The following PCDH18 variants were observed in gnomAD, a reference collection of about 807,000 sequenced individuals.
PCDH18 encodes the protein protocadherin-18.
PCDH18 carries 38 observed loss-of-function variants against 71.5 expected under a neutral mutation model. The observed-to-expected ratio is 0.53, with a 90% confidence interval of 0.41 to 0.70. PCDH18 has a LOEUF of 0.70. Among genes scored for constraint, PCDH18 ranks in the 30% least tolerant of loss-of-function variants. The probability of loss-of-function intolerance (pLI) is 0.00; values close to 1 mark genes in which losing one functional copy is unlikely to be tolerated. For synonymous variants in PCDH18, 565 were observed against 505.4 expected (o/e 1.12, Z -1.58); for missense variants, 1,334 against 1,384.6 (o/e 0.96, Z 0.58).
chr4:137,527,496 T>C (rs1731506618), intron 3 of PCDH18, among the ~76,000 whole-genome samples: 1 of 152,204 alleles, frequency 6.6e-6, no homozygotes, highest in African/African-American at 2.4e-5. Flanking sequence ...GAATGTCAGC[T>C]ATATTGATTT....
In PCDH18 at chr4:137,531,775, G is replaced by A; in HGVS notation, c.314C>T (p.Ser105Phe). ...EQLCQKNLNCSIEFDVITLPT... is the reference protein window; with the variant it reads ...EQLCQKNLNCFIEFDVITLPT... ...TAGAGTGATCACATCAAACTCTATG[G>A]AACAGTTCAAGTTTTTCTGGCACAG... The change falls in exon 1 of 4, where the codon TCC becomes TTC. Residue 105 changes from serine to phenylalanine, a missense_variant. This residue lies in a region of PCDH18 where 1,011 missense variants were observed against 1,048.0 expected (regional missense o/e 0.96). Transcript: ENST00000344876. 6.2e-7 allele frequency: 1 copy of A among 1,614,100 alleles called. No individual in the cohort carries two copies. Among genetic ancestry groups the A allele is most frequent in the Non-Finnish European group, 8.5e-7 (1 of 1,179,980 alleles).
Position 137,520,857 on chromosome 4 carries a change from T to A in PCDH18, c.*172A>T, listed in dbSNP as rs1297454570. ...ATTTTTAAAATACAGATTAAAATAA[T>A]CACACTTGCATTGTGTACATACGAA... is the stretch of plus-strand genomic sequence containing the variant. On this transcript the variant is annotated 3_prime_UTR_variant, in exon 4 of 4. Transcript: ENST00000344876. The A allele has an allele frequency of 2.0e-6, 1 of 491,362 alleles. No homozygotes were observed. Among genetic ancestry groups the A allele is most frequent in the Non-Finnish European group, 3.6e-6 (1 of 279,634 alleles). 30.4% of individuals were successfully genotyped at this position (491,362 alleles called of 1,614,324 possible).
chr4:137,528,432 T>G, intron 3 of PCDH18, 46 bp downstream of exon 3: 2 of 1,532,978 alleles, frequency 1.3e-6, no homozygotes, highest in Non-Finnish European at 1.8e-6. Flanking sequence ...TTTACTGGTG[T>G]CACGGTAGAC....
In PCDH18 at chr4:137,530,684, G is replaced by A. The variant is rs1731652183; in HGVS notation, c.1405C>T (p.Arg469Ter). ...TTTTCTGAAATTACAAATTCATATCGGCTTCTCTGGAAGTGGGGTGGATTG... is the reference window on the plus strand; with the variant it reads ...TTTTCTGAAATTACAAATTCATATCAGCTTCTCTGGAAGTGGGGTGGATTG... ...NDNPPHFQRS[R>*]YEFVISENNS... The change falls in exon 1 of 4, where the codon CGA (arginine) becomes TGA (stop). Residue 469 changes from arginine (R) to a stop codon, truncating the protein, a stop_gained. Transcript: ENST00000344876. LOFTEE classifies it high-confidence loss of function. 2 of 1,612,674 alleles carry A rather than the reference G, an allele frequency of 1.2e-6. No homozygotes were observed. Among genetic ancestry groups the A allele is most frequent in the Non-Finnish European group, 8.5e-7 (1 of 1,179,382 alleles).
rs1043889883 is a variant in PCDH18 at position 137,521,138 on chromosome 4, T to A, written c.3299A>T (p.Asp1100Val). The change falls in exon 4 of 4, where the codon GAT becomes GTT. Residue 1100 changes from aspartate (D) to valine (V), a missense_variant. Transcript: ENST00000344876. ...EEIPENYEEDDFDNVLNHLND... is the reference protein window; with the variant it reads ...EEIPENYEEDVFDNVLNHLND... ...GAGGTGGTTGAGCACATTGTCAAAA[T>A]CATCTTCCTCATAATTTTCAGGGAT... The A allele has an allele frequency of 6.2e-7, 1 of 1,614,038 alleles. No homozygotes were observed. The highest frequency in any genetic ancestry group is 1.3e-5 in the African/African-American group (1 of 74,940).
intron 3 of PCDH18, 140 bp downstream of exon 3, chr4:137,528,338 T>C (rs1731538630): frequency 1.5e-6 from 1 of 671,596 alleles, no homozygotes. Context: ...TAAACAGTGA[T>C]GAACATACTA....
chr4:137,527,200 C>A (rs1323564079), intron 3 of PCDH18, among the ~76,000 whole-genome samples: 3 of 151,980 alleles, frequency 2.0e-5, no homozygotes, highest in Non-Finnish European at 2.9e-5. Flanking sequence ...CCTTTGGTAT[C>A]CAAAGGGGAT....
At chr4:137,529,445 A>C (rs1455233815) in intron 1 of PCDH18, 157 bp downstream of exon 1, 3 of 540,188 alleles carry the variant, frequency 5.6e-6, no homozygotes, top group Non-Finnish European at 9.8e-6. Flanking sequence ...TAAAGTGTGC[A>C]TCTTTGCTAC....
Position 137,531,153 on chromosome 4 carries a change from C to A in PCDH18, c.936G>T (p.Val312=), listed in dbSNP as rs752265352. Residue 312 remains valine (V), a synonymous_variant, in exon 1 of 4, where the codon GTG becomes GTT. Coordinates refer to ENST00000344876, the MANE Select transcript of PCDH18 (RefSeq NM_019035.5). ...CATAGGATTTGGTGATTTCATAATC[C>A]ACTTGCTTGAAAAGAGTCAAATGTC... ...ERGHLTLFKQ[V]DYEITKSYEI... 1 of 1,613,564 alleles carries A rather than the reference C, an allele frequency of 6.2e-7. No individual in the cohort carries two copies. Among genetic ancestry groups the A allele is most frequent in the Non-Finnish European group, 8.5e-7 (1 of 1,179,636 alleles).
chr4:137,524,229 G>A (rs1353456749), intron 3 of PCDH18, among the ~76,000 whole-genome samples: 1 of 152,152 alleles, frequency 6.6e-6, no homozygotes, highest in Non-Finnish European at 1.5e-5. Flanking sequence ...ACCACTATAA[G>A]ACTATGAATT....
rs773655793 is a variant in PCDH18, at chr4:137,521,315, G to A, written c.3122C>T (p.Pro1041Leu). The A allele has an allele frequency of 6.2e-7, 1 of 1,614,112 alleles. No individual in the cohort carries two copies. Among genetic ancestry groups the A allele is most frequent in the Non-Finnish European group, 8.5e-7 (1 of 1,180,022 alleles). ...GTAACCCACAGTTTTGGCTGGCAAGGGTCCCTTCCTGCGCTCCAGGGAGTT... is the reference window on the plus strand; with the variant it reads ...GTAACCCACAGTTTTGGCTGGCAAGAGTCCCTTCCTGCGCTCCAGGGAGTT... ...RSNSLERRKG[P>L]LPAKTVGYPQ... is the part of the protein sequence containing the mutation. Residue 1041 changes from proline to leucine, a missense_variant, in exon 4 of 4, where the codon CCC becomes CTC. By Grantham distance (98) the Pro-to-Leu change is moderately conservative. This residue lies in a region of PCDH18 where 319 missense variants were observed against 316.3 expected (regional missense o/e 1.01). Transcript: ENST00000344876.
intron 2 of PCDH18, 23 bp from the exon 3 acceptor site, chr4:137,528,664 A>T: frequency 1.2e-6 from 2 of 1,613,016 alleles, no homozygotes. Flanking sequence ...ATCACAAAAA[A>T]AAATTACAGT....
rs1303152446 is a variant in PCDH18, at chr4:137,531,977, G to C, written c.112C>G (p.Gln38Glu). 1.9e-6 allele frequency: 3 copies of C among 1,613,808 alleles called. No individual in the cohort carries two copies. The highest frequency in any genetic ancestry group is 2.5e-6 in the Non-Finnish European group (3 of 1,179,878). ...KNLKYRIYEE[Q>E]RVGSVIARLS... ...CTTGCAATTACTGATCCAACCCTCT[G>C]TTCCTCATAAATCCTGTATTTCAAA... The change falls in exon 1 of 4, where the codon CAG becomes GAG. Residue 38 changes from glutamine to glutamate, a missense_variant. Transcript: ENST00000344876.
rs1731237951 is a variant in PCDH18, at chr4:137,519,792, A to G, written c.*1237T>C. 6.6e-6 allele frequency: 1 copy of G among 152,606 alleles called. No individual in the cohort carries two copies. Among genetic ancestry groups the G allele is most frequent in the African/African-American group, 2.4e-5 (1 of 41,466 alleles). 9.5% of individuals were successfully genotyped at this position (152,606 alleles called of 1,614,324 possible). ...GTGTATTATTAGAAATAACATTAAT[A>G]GAAGCTTGGTCAGAAATGATAATAG... On this transcript the variant is annotated 3_prime_UTR_variant, in exon 4 of 4. Coordinates refer to ENST00000344876, the MANE Select transcript of PCDH18 (RefSeq NM_019035.5).
chr4:137,531,678 A>G lies in PCDH18; in HGVS notation c.411T>C (p.Phe137=). 2 of 1,614,164 alleles carry G rather than the reference A, an allele frequency of 1.2e-6. No homozygotes were observed. The highest frequency in any genetic ancestry group is 1.7e-6 in the Non-Finnish European group (2 of 1,180,024). Residue 137 remains phenylalanine (F), a synonymous_variant, in exon 1 of 4, where the codon TTT becomes TTC. Transcript: ENST00000344876. ...VLDINDNSPQ[F]SRSLIPIEIS... ...TCTCAATAGGTATGAGAGATCTTGA[A>G]AACTGGGGAGAATTGTCATTAATAT...
chr4:137,527,425 T>A (rs565725755), intron 3 of PCDH18, among the ~76,000 whole-genome samples: 10 of 152,330 alleles, frequency 6.6e-5, no homozygotes, highest in African/African-American at 2.2e-4. Context: ...TTTTATTGTT[T>A]AATCCAAATA....
At chr4:137,529,041 A>G in intron 1 of PCDH18, 1 of 503,718 alleles carries the variant, frequency 2.0e-6, no homozygotes, top group Non-Finnish European at 3.5e-6. Flanking sequence ...AATACAACTG[A>G]CTTTTACTTT....
In PCDH18 at chr4:137,521,621, G is replaced by A. The variant is rs776631916; in HGVS notation, c.2816C>T (p.Pro939Leu). The A allele has an allele frequency of 1.6e-5, 26 of 1,613,398 alleles. No homozygotes were observed. Among genetic ancestry groups the A allele is most frequent in the Middle Eastern group, 3.3e-4 (2 of 6,040 alleles). ...DQCWMPPLPS[P>L]SSDYRSNMFI... ...CATGTTACTCCTATAATCAGAAGAC[G>A]GTGAGGGCAGTGGTGGCATCCAGCA... The change falls in exon 4 of 4, where the codon CCG (proline) becomes CTG (leucine). Residue 939 changes from proline to leucine, a missense_variant. By Grantham distance (98) the Pro-to-Leu change is moderately conservative (BLOSUM62 -3). Coordinates refer to ENST00000344876, the MANE Select transcript of PCDH18 (RefSeq NM_019035.5).
At position 137,530,103 on chromosome 4, in the gene PCDH18, G is replaced by A; in HGVS notation, c.1986C>T (p.Gly662=). The A allele has an allele frequency of 1.9e-6, 3 of 1,613,754 alleles. No individual in the cohort carries two copies. Among genetic ancestry groups the A allele is most frequent in the Non-Finnish European group, 2.5e-6 (3 of 1,179,692 alleles). Residue 662 remains glycine, a synonymous_variant, in exon 1 of 4, where the codon GGC becomes GGT. Transcript: ENST00000344876. Reference sequence around the variant, plus strand: ...GGACTTTGGTATGTAGCTGAGGATTGCCTTTGTCCTGAATGATAACTGACA... The same window carrying A: ...GGACTTTGGTATGTAGCTGAGGATTACCTTTGTCCTGAATGATAACTGACA... The part of the protein sequence containing the change: ...WELSVIIQDK[G]NPQLHTKVLL...
Sources: allele counts gnomAD v4.1 joint callset (sites outside exome capture counted in the v4.1 genomes callset), GRCh38; gene constraint gnomAD v4.1.1; regional missense constraint gnomAD v4.1.1; transcripts MANE v1.5; gene names NCBI Gene and HGNC (gene_info 2026-07-23, HGNC 2026-07-21).